Variants in ZBBX observed in about 807,000 individuals in gnomAD.
ZBBX encodes the protein zinc finger B-box domain-containing protein 1.
A neutral mutation model predicts 108.5 loss-of-function variants in ZBBX; 101 were observed. That is an observed-to-expected ratio of 0.93 (90% CI 0.79 to 1.10). The LOEUF is 1.10. Ranked by LOEUF, ZBBX falls within the 50% of genes least tolerant of loss-of-function variation. ZBBX has a pLI of 0.00. For synonymous variants in ZBBX, 356 were observed against 323.4 expected, an observed-to-expected ratio of 1.10 and a Z score of -1.08; for missense variants, 1,009 against 941.4, an observed-to-expected ratio of 1.07 and a Z score of -0.94.
intron 7 of ZBBX, 132 bp downstream of exon 7, chr3:167,360,543 A>G (rs1744340302): frequency 4.5e-6 from 2 of 447,424 alleles, no homozygotes; most frequent in African/African-American, 2.0e-5. Context: ...TTGAAAATCA[A>G]TGTGTCATGA....
At chr3:167,296,646 A>C (rs1414141651) in intron 18 of ZBBX, among the ~76,000 whole-genome samples, 1 of 152,008 alleles carries the variant, frequency 6.6e-6, no homozygotes, top group Non-Finnish European at 1.5e-5. Flanking sequence ...AAAAGAAACA[A>C]ACTTAGAAAT....
intron 20 of ZBBX, among the ~76,000 whole-genome samples, chr3:167,281,304 A>G (rs1728771866): frequency 6.6e-6 from 1 of 152,152 alleles, no homozygotes; most frequent in African/African-American, 2.4e-5. Context: ...AATGTTAATA[A>G]TGGTTATTTT....
the ZBBX span, among the ~76,000 whole-genome samples, chr3:167,180,065 T>C: frequency 6.6e-6 from 1 of 152,212 alleles, no homozygotes; most frequent in Non-Finnish European, 1.5e-5. Context: ...TGTGAATTAG[T>C]ATGTGGAAGA....
intron 20 of ZBBX, among the ~76,000 whole-genome samples, chr3:167,263,804 G>C (rs1204994599): frequency 6.6e-6 from 1 of 152,216 alleles, no homozygotes; most frequent in Non-Finnish European, 1.5e-5. Flanking sequence ...GCCCAATGCA[G>C]AAAGTGGAGT....
At chr3:167,254,756 G>A (rs1723178778) in intron 20 of ZBBX, among the ~76,000 whole-genome samples, 1 of 152,004 alleles carries the variant, frequency 6.6e-6, no homozygotes, top group African/African-American at 2.4e-5. Flanking sequence ...AGAGAACCCT[G>A]TGTTTAAAAA....
downstream of ZBBX, among the ~76,000 whole-genome samples, chr3:167,238,745 C>T (rs1720333919): frequency 6.6e-6 from 1 of 152,024 alleles, no homozygotes; most frequent in Admixed American, 6.6e-5. Flanking sequence ...AAGTGATGAC[C>T]ACAAAATTAT....
chr3:167,267,028 A>G (rs549015442), intron 20 of ZBBX, among the ~76,000 whole-genome samples: 21 of 152,222 alleles, frequency 1.4e-4, no homozygotes, highest in African/African-American at 3.4e-4. Context: ...GACCAGGTAA[A>G]CTCTGTGCAC....
chr3:167,334,437 G>A (rs1343702675), intron 9 of ZBBX, among the ~76,000 whole-genome samples: 1 of 152,042 alleles, frequency 6.6e-6, no homozygotes, highest in Admixed American at 6.6e-5. Context: ...AGCCAGGCAT[G>A]GTGGTGTGTG....
chr3:167,182,793 T>C, the ZBBX span, among the ~76,000 whole-genome samples: 1 of 99,160 alleles, frequency 1.0e-5, no homozygotes, highest in Non-Finnish European at 2.1e-5. Context: ...AACAGTCCCA[T>C]TACAAAAGGA....
Position 167,339,206 on chromosome 3 carries a change from A to G in ZBBX, c.529-5221T>C, listed in dbSNP as rs73879673. 2.7e-3 allele frequency among the ~76,000 whole-genome samples: 417 copies of G among 152,206 alleles called. 4 individuals carry two copies. Among genetic ancestry groups the G allele is most frequent in the African/African-American group, 9.4e-3 (390 of 41,532 alleles). On this transcript the variant is annotated intron_variant, in intron 9 of 21. Transcript: ENST00000675490. The stretch of plus-strand genomic sequence containing the variant: ...TACAACTAAAGCCAAAATCTTAACA[A>G]CATATGAAAACCATAAGAAAAAAAC...
chr3:167,238,550 G>A (rs561485248), downstream of ZBBX, among the ~76,000 whole-genome samples: 2 of 152,078 alleles, frequency 1.3e-5, no homozygotes, highest in South Asian at 2.1e-4. Flanking sequence ...TAATGCCACA[G>A]AAAAAGTATC....
chr3:167,264,011 G>T (rs1725041218), intron 20 of ZBBX, among the ~76,000 whole-genome samples: 1 of 152,134 alleles, frequency 6.6e-6, no homozygotes, highest in African/African-American at 2.4e-5. Flanking sequence ...TATTGTGTCT[G>T]ATAAAGTATA....
chr3:167,365,967 C>A lies in ZBBX; in HGVS notation c.192G>T (p.Glu64Asp). The A allele has an allele frequency of 6.2e-7, 1 of 1,604,458 alleles. No homozygotes were observed. The highest frequency in any genetic ancestry group is 1.1e-5 in the South Asian group (1 of 90,256). Residue 64 changes from glutamate (E) to aspartate (D), a missense_variant, in exon 6 of 22, where the codon GAG (glutamate) becomes GAT (aspartate). Coordinates refer to ENST00000675490, the MANE Select transcript of ZBBX (RefSeq NM_001199201.2). ...NKEKEDRESS[E>D]YYWKSGKVGK... ...CCACTTTTCCAGATTTCCAGTAATA[C>A]TCGCTTGACCTTTAATATATATAAA...
chr3:167,271,687 T>C (rs1381550559), intron 20 of ZBBX, among the ~76,000 whole-genome samples: 1 of 152,030 alleles, frequency 6.6e-6, no homozygotes, highest in Non-Finnish European at 1.5e-5. Flanking sequence ...TTGCTTAATA[T>C]GTAAAAAAAA....
chr3:167,342,640 C>G (rs1740733593), intron 9 of ZBBX, among the ~76,000 whole-genome samples: 1 of 151,702 alleles, frequency 6.6e-6, no homozygotes, highest in Non-Finnish European at 1.5e-5. Context: ...TATCTATTTT[C>G]CCTATCCACT....
At chr3:167,261,234 C>T (rs144290973) in intron 20 of ZBBX, among the ~76,000 whole-genome samples, 2,125 of 152,166 alleles carry the variant, frequency 0.014, 26 homozygotes, top group South Asian at 0.026. Context: ...GTGGAGGTGG[C>T]GGAGGGGTGC....
At chr3:167,403,812 A>G (rs999358182) in intron 1 of ZBBX, among the ~76,000 whole-genome samples, 16 of 152,098 alleles carry the variant, frequency 1.1e-4, no homozygotes, top group Admixed American at 1.0e-3. Flanking sequence ...TAAAAATCTA[A>G]CAGGTTATAT....
intron 18 of ZBBX, among the ~76,000 whole-genome samples, chr3:167,297,376 C>A (rs1217905996): frequency 6.6e-6 from 1 of 151,870 alleles, no homozygotes; most frequent in Non-Finnish European, 1.5e-5. Flanking sequence ...ATACCATGTA[C>A]AAAAATAAAC....
chr3:167,372,605 G>A (rs1342292189), intron 4 of ZBBX, among the ~76,000 whole-genome samples: 1 of 152,086 alleles, frequency 6.6e-6, no homozygotes, highest in Non-Finnish European at 1.5e-5. Context: ...TACTTTAATA[G>A]GTAATGAACC....
Sources: allele counts gnomAD v4.1 joint callset (sites outside exome capture counted in the v4.1 genomes callset), GRCh38; gene constraint gnomAD v4.1.1; transcripts MANE v1.5; gene names NCBI Gene and HGNC (gene_info 2026-07-23, HGNC 2026-07-21).